B4GALT1: variants seen among roughly 807,000 people sequenced by gnomAD.
B4GALT1 encodes beta-1,4-galactosyltransferase 1.
B4GALT1 carries 16 observed loss-of-function variants against 34.9 expected under a neutral mutation model. The observed-to-expected ratio is 0.46, with a 90% CI of 0.31 to 0.70. B4GALT1 has a LOEUF of 0.70. Ranked by LOEUF, B4GALT1 falls within the 30% of genes least tolerant of loss-of-function variation. B4GALT1 has a pLI of 0.05. For synonymous variants in B4GALT1, 221 were observed against 218.1 expected (o/e 1.01, Z -0.12); for missense variants, 445 against 530.5 (o/e 0.84, Z 1.58).
At chr9:33,178,166 A>G in the B4GALT1 span, among the ~76,000 whole-genome samples, 2 of 151,340 alleles carry the variant, frequency 1.3e-5, no homozygotes, top group Non-Finnish European at 2.9e-5. Flanking sequence ...TAATTTTTGT[A>G]TTTTTAGTAG....
At chr9:33,183,551 G>A in the B4GALT1 span, among the ~76,000 whole-genome samples, 125 of 132,976 alleles carry the variant, frequency 9.4e-4, 2 homozygotes, top group South Asian at 8.7e-3. Context: ...ACGAAACACC[G>A]CATATTCTCA....
intron 1 of B4GALT1, 59 bp downstream of exon 1, chr9:33,166,699 C>T: frequency 6.9e-7 from 1 of 1,457,984 alleles, no homozygotes; most frequent in South Asian, 1.4e-5. Context: ...CTGGGGGACC[C>T]TGTCGGGGAA....
At chr9:33,151,097 T>A (rs1415017811) in intron 1 of B4GALT1, among the ~76,000 whole-genome samples, 2 of 152,052 alleles carry the variant, frequency 1.3e-5, no homozygotes, top group South Asian at 2.1e-4. Context: ...CTAAGGCAGG[T>A]GTACAGTATT....
rs1185600578 is a variant in B4GALT1 at position 33,111,288 on chromosome 9, A to G, written c.*2166T>C. ...AAAAAAAAAAAAAAAACAACAAGAA[A>G]AGGTAGAGTTTGGTTTTAAGAGTAA... On this transcript the variant is annotated 3_prime_UTR_variant, in exon 6 of 6. Coordinates refer to ENST00000379731, the MANE Select transcript of B4GALT1 (RefSeq NM_001497.4). The G allele has an allele frequency of 1.2e-4, 17 of 145,936 alleles. No individual in the cohort carries two copies. The highest frequency in any genetic ancestry group is 1.5e-5 in the Non-Finnish European group (1 of 66,458). The allele number at this position is 145,936 out of a possible 1,614,324, so 9.0% of individuals were successfully genotyped here.
chr9:33,123,962 C>G (rs1395132023), intron 2 of B4GALT1, among the ~76,000 whole-genome samples: 1 of 152,190 alleles, frequency 6.6e-6, no homozygotes, highest in African/African-American at 2.4e-5. Flanking sequence ...ATATCCCTCC[C>G]TTTCTCCCTC....
intron 1 of B4GALT1, among the ~76,000 whole-genome samples, chr9:33,161,767 A>T (rs1237913976): frequency 6.6e-6 from 1 of 152,232 alleles, no homozygotes; most frequent in Non-Finnish European, 1.5e-5. Context: ...TGGAATTTCC[A>T]GGTAGATGTG....
chr9:33,142,398 C>T (rs1200535736), intron 1 of B4GALT1, among the ~76,000 whole-genome samples: 1 of 152,172 alleles, frequency 6.6e-6, no homozygotes, highest in Non-Finnish European at 1.5e-5. Flanking sequence ...GTGACCCCCT[C>T]CCTATCCCAT....
In B4GALT1 at chr9:33,115,318, C is replaced by A. The variant is rs1380121516; in HGVS notation, c.959+673G>T. ...ACTCAGTAATGAGCTCAGACTGGCT[C>A]CTGGAGGGAGAAGGTGCTCATCGGT... On this transcript the variant is annotated intron_variant, in intron 4 of 5. Transcript: ENST00000379731. 1.1e-4 allele frequency among the ~76,000 whole-genome samples: 16 copies of A among 152,200 alleles called. 1 individual carries two copies. Among genetic ancestry groups the A allele is most frequent in the Admixed American group, 3.9e-4 (6 of 15,276 alleles).
the B4GALT1 span, among the ~76,000 whole-genome samples, chr9:33,183,542 C>T: frequency 7.4e-5 from 10 of 135,698 alleles, no homozygotes; most frequent in Admixed American, 2.3e-4. Context: ...GAACAAAAAA[C>T]GAAACACCGC....
At chr9:33,163,131 C>T (rs1233809023) in intron 1 of B4GALT1, among the ~76,000 whole-genome samples, 2 of 152,158 alleles carry the variant, frequency 1.3e-5, no homozygotes, top group Admixed American at 1.3e-4. Flanking sequence ...CCTCAAAGTA[C>T]ACTCTGTCCT....
At chr9:33,131,533 G>C (rs1347823204) in intron 2 of B4GALT1, among the ~76,000 whole-genome samples, 1 of 152,190 alleles carries the variant, frequency 6.6e-6, no homozygotes, top group Non-Finnish European at 1.5e-5. Flanking sequence ...TGTCTCAGAA[G>C]CCACTCCATT....
intron 2 of B4GALT1, among the ~76,000 whole-genome samples, chr9:33,130,147 A>G (rs1310978933): frequency 6.6e-6 from 1 of 152,160 alleles, no homozygotes; most frequent in African/African-American, 2.4e-5. Flanking sequence ...GTTGTGACAA[A>G]CCCACCTGGC....
At chr9:33,118,132 A>G (rs1839966337) in intron 3 of B4GALT1, among the ~76,000 whole-genome samples, 1 of 152,240 alleles carries the variant, frequency 6.6e-6, no homozygotes, top group Non-Finnish European at 1.5e-5. Flanking sequence ...AGAGAAGAAG[A>G]TACACACACG....
intron 1 of B4GALT1, 58 bp downstream of exon 1, chr9:33,166,700 T>C (rs1587755331): frequency 1.4e-6 from 2 of 1,458,094 alleles, no homozygotes; most frequent in East Asian, 4.8e-5. Context: ...TGGGGGACCC[T>C]GTCGGGGAAA....
upstream of B4GALT1, among the ~76,000 whole-genome samples, chr9:33,170,457 G>T (rs1268357133): frequency 1.3e-5 from 2 of 152,080 alleles, no homozygotes; most frequent in Non-Finnish European, 2.9e-5. Flanking sequence ...AGTGAGGGTG[G>T]GTCAGATTAG....
chr9:33,111,777 G>A lies in B4GALT1; in HGVS notation c.*1677C>T, dbSNP rs1207911920. The A allele has an allele frequency of 6.6e-6, 1 of 151,964 alleles. No individual in the cohort carries two copies. The highest frequency in any genetic ancestry group is 1.5e-5 in the Non-Finnish European group (1 of 68,080). The allele number at this position is 151,964 out of a possible 1,614,324, so 9.4% of individuals were successfully genotyped here. On this transcript the variant is annotated 3_prime_UTR_variant, in exon 6 of 6. Coordinates refer to ENST00000379731, the MANE Select transcript of B4GALT1 (RefSeq NM_001497.4). Reference sequence around the variant, plus strand: ...GACCTGGCAAAGGCGCTCAGTGGTAGGAGTGCCTTGTGTCATCTCATCCCA... The same window carrying A: ...GACCTGGCAAAGGCGCTCAGTGGTAAGAGTGCCTTGTGTCATCTCATCCCA...
intron 3 of B4GALT1, among the ~76,000 whole-genome samples, chr9:33,119,910 C>T (rs1299512137): frequency 1.3e-5 from 2 of 152,152 alleles, no homozygotes; most frequent in African/African-American, 4.8e-5. Context: ...TTAGGCCAGG[C>T]ATGGTGCCAC....
At chr9:33,165,517 G>A (rs1373265516) in intron 1 of B4GALT1, among the ~76,000 whole-genome samples, 2 of 152,176 alleles carry the variant, frequency 1.3e-5, no homozygotes, top group African/African-American at 2.4e-5. Flanking sequence ...TATTACCACA[G>A]TTCACGTCTG....
At chr9:33,180,015 A>C in the B4GALT1 span, 1 of 152,188 alleles carries the variant, frequency 6.6e-6, no homozygotes, top group Non-Finnish European at 1.5e-5. Context: ...TAAAGAGATC[A>C]GCCATGTACC....
Sources: gnomAD v4.1 joint callset for allele counts (sites outside exome capture counted in the v4.1 genomes callset) on GRCh38, gnomAD v4.1.1 for gene constraint, MANE v1.5 for transcripts, NCBI Gene and HGNC (gene_info 2026-07-23, HGNC 2026-07-21) for gene names.